Variants in NCOR1 observed in about 807,000 individuals in gnomAD.
NCOR1 encodes nuclear receptor corepressor 1.
NCOR1 carries 63 observed loss-of-function variants against 288.1 expected under a neutral mutation model. That is an observed-to-expected ratio of 0.22 (90% CI 0.18 to 0.27). The LOEUF is 0.27. Among genes scored for constraint, NCOR1 ranks in the 10% least tolerant of loss-of-function variants. The pLI, the probability that NCOR1 is intolerant of heterozygous loss-of-function variation, is 1.00. For synonymous variants in NCOR1, 1,007 were observed against 1,065.9 expected, an observed-to-expected ratio of 0.94 and a Z score of 1.08; for missense variants, 2,397 against 3,019.2, an observed-to-expected ratio of 0.79 and a Z score of 4.83.
intron 14 of NCOR1, among the ~76,000 whole-genome samples, chr17:16,132,458 A>G (rs1056145641): frequency 5.3e-5 from 8 of 152,210 alleles, no homozygotes; most frequent in Non-Finnish European, 1.2e-4. Flanking sequence ...ATAACATTCA[A>G]CAGTGGTTTT....
chr17:16,065,224 T>C (rs1470890342), intron 33 of NCOR1, among the ~76,000 whole-genome samples: 5 of 152,206 alleles, frequency 3.3e-5, no homozygotes, highest in Non-Finnish European at 7.3e-5. Context: ...CCTCAAAGTA[T>C]GGGCAGATTA....
intron 3 of NCOR1, among the ~76,000 whole-genome samples, chr17:16,184,311 C>T (rs1458320635): frequency 6.6e-6 from 1 of 152,160 alleles, no homozygotes; most frequent in Non-Finnish European, 1.5e-5. Context: ...GTAAACTATG[C>T]ATCTGCTAAG....
rs1300563194 is a variant in NCOR1, at chr17:16,146,408, T to C, written c.1050A>G (p.Arg350=). The C allele has an allele frequency of 1.2e-6, 2 of 1,609,898 alleles. No individual in the cohort carries two copies. The highest frequency in any genetic ancestry group is 3.4e-5 in the Admixed American group (2 of 59,228). ...EYYEKQFPEI[R]KQREQQERFQ... ...ATCTTTCTTGCTGTTCTCTTTGTTT[T>C]CGAATTTCTGGAAACTGCTTTTCAT... Residue 350 remains arginine (R), a synonymous_variant, in exon 10 of 46, where the codon CGA becomes CGG. Transcript: ENST00000268712.
chr17:16,069,849 C>T (rs760605912), intron 31 of NCOR1, among the ~76,000 whole-genome samples: 23 of 152,258 alleles, frequency 1.5e-4, no homozygotes, highest in Non-Finnish European at 2.6e-4. Flanking sequence ...ACCACACTGC[C>T]GCTGAAGGAA....
chr17:16,108,190 A>T (rs1282260371), intron 19 of NCOR1: 3 of 232,392 alleles, frequency 1.3e-5, no homozygotes, highest in Non-Finnish European at 2.7e-5. Flanking sequence ...AAAAAAAAAA[A>T]AAAAAAATCC....
chr17:16,060,871 G>A (rs541167479), intron 37 of NCOR1, among the ~76,000 whole-genome samples: 78 of 152,326 alleles, frequency 5.1e-4, no homozygotes, highest in African/African-American at 1.5e-3. Flanking sequence ...ATGTAGACCT[G>A]TGAATTCTAA....
chr17:16,080,834 AT>A, intron 23 of NCOR1, 107 bp from the exon 24 acceptor site: 2 of 1,033,578 alleles, frequency 1.9e-6, no homozygotes, highest in Non-Finnish European at 2.7e-6. Flanking sequence ...AAAAAAAAAA[AT>A]TATACCCCTT....
chr17:16,039,965 T>C (rs2057246559), intron 43 of NCOR1: 1 of 389,234 alleles, frequency 2.6e-6, no homozygotes, highest in African/African-American at 2.1e-5. Context: ...TAATTTTTTG[T>C]ATTTTTAGGA....
intron 8 of NCOR1, among the ~76,000 whole-genome samples, chr17:16,151,417 A>C (rs2078855084): frequency 6.6e-6 from 1 of 152,234 alleles, no homozygotes. Context: ...ATTAAATGGC[A>C]GAAGGGTCTA....
chr17:16,086,860 C>T (rs1444041064), intron 22 of NCOR1, among the ~76,000 whole-genome samples: 3 of 152,348 alleles, frequency 2.0e-5, no homozygotes, highest in East Asian at 1.9e-4. Context: ...TTGAGAAACA[C>T]TTACTGATTC....
In NCOR1 at chr17:16,080,252, T is replaced by TC. The variant is rs535562250; in HGVS notation, c.3400+155dup. ...TAAAGAACTGCTGAAACATGGAACT[T>TC]CAAGGTTTTAAAATGACTTTTACAT... On this transcript the variant is annotated intron_variant, in intron 25 of 45. Transcript: ENST00000268712. 317 of 825,420 alleles carry TC rather than the reference T, an allele frequency of 3.8e-4. No homozygotes were observed. The African/African-American group carries it at 4.9e-3, about 13-fold the overall frequency. 51.1% of individuals were successfully genotyped at this position (825,420 alleles called of 1,614,324 possible). A position where few individuals can be genotyped will look rare whatever the true frequency, so the allele number is the denominator to read the frequency against.
At chr17:16,071,351 CTTT>C in intron 30 of NCOR1, 55 bp downstream of exon 30, 1 of 1,562,406 alleles carries the variant, frequency 6.4e-7, no homozygotes, top group Non-Finnish European at 8.7e-7. Flanking sequence ...TTAAGTCACA[CTTT>C]TTTAAATGTT....
intron 4 of NCOR1, 40 bp downstream of exon 4, chr17:16,171,763 C>G (rs896545881): frequency 2.1e-6 from 3 of 1,456,832 alleles, no homozygotes; most frequent in Non-Finnish European, 2.7e-6. Context: ...ATAAACATTA[C>G]AAACCTACAA....
chr17:16,035,495 T>C (rs1013596697), intron 44 of NCOR1, among the ~76,000 whole-genome samples: 2 of 151,548 alleles, frequency 1.3e-5, no homozygotes, highest in African/African-American at 4.8e-5. Context: ...AGCAATTCAG[T>C]TACATCTTCA....
intron 24 of NCOR1, 45 bp from the exon 25 acceptor site, chr17:16,080,554 C>T (rs2152816269): frequency 6.2e-7 from 1 of 1,614,048 alleles, no homozygotes; most frequent in Non-Finnish European, 8.5e-7. Context: ...TACTAAATTA[C>T]TGGCTGTGAT....
At position 16,152,587 on chromosome 17, in the gene NCOR1, T is replaced by C. The variant is rs111280492; in HGVS notation, c.790-589A>G. Among the ~76,000 whole-genome samples the C allele has an allele frequency of 5.8e-4, 88 of 152,352 alleles. 1 individual carries two copies. Among genetic ancestry groups the C allele is most frequent in the African/African-American group, 2.0e-3 (85 of 41,588 alleles). The stretch of plus-strand genomic sequence containing the variant: ...ATTTGGGTTGGTTCCCAGTCTTTGC[T>C]ATTGTGAATAGTGCCGCAACAAACA... On this transcript the variant is annotated intron_variant, in intron 7 of 45. Transcript: ENST00000268712.
chr17:16,065,987 T>C (rs560678235), intron 32 of NCOR1: 27 of 406,480 alleles, frequency 6.6e-5, no homozygotes, highest in Non-Finnish European at 1.2e-4. Flanking sequence ...TTACCTGGCA[T>C]CTGCAAGAGT....
At chr17:16,127,109 G>GTA (rs139112489) in intron 14 of NCOR1, among the ~76,000 whole-genome samples, 21 of 64,150 alleles carry the variant, frequency 3.3e-4, no homozygotes, top group Middle Eastern at 0.024. Context: ...GTGTGTGTGT[G>GTA]TATATGTATA....
chr17:16,208,209 T>G (rs1481863452), intron 1 of NCOR1, among the ~76,000 whole-genome samples: 3 of 119,120 alleles, frequency 2.5e-5, no homozygotes, highest in African/African-American at 1.1e-4. Flanking sequence ...CCCAGCTATT[T>G]TTTTTTTTTT....
Sources: allele counts gnomAD v4.1 joint callset (sites outside exome capture counted in the v4.1 genomes callset), GRCh38; gene constraint gnomAD v4.1.1; transcripts MANE v1.5; gene names NCBI Gene and HGNC (gene_info 2026-07-23, HGNC 2026-07-21).